The following MAGI2 variants were observed in gnomAD, a reference collection of about 807,000 sequenced individuals.
MAGI2 encodes the protein membrane associated guanylate kinase, WW and PDZ domain containing 2, also known as membrane-associated guanylate kinase, WW and PDZ domain-containing protein 2.
MAGI2 carries 35 observed loss-of-function variants against 133.3 expected under a neutral mutation model. The observed-to-expected ratio is 0.26, with a 90% CI of 0.20 to 0.35. The LOEUF (loss-of-function observed/expected upper bound fraction) is 0.35. MAGI2 is among the 10% of genes least tolerant of loss of function. MAGI2 has a pLI of 1.00. For missense variants in MAGI2, 1,636 were observed against 1,863.4 expected, an observed-to-expected ratio of 0.88 and a Z score of 2.25; for synonymous variants, 729 against 710.6, an observed-to-expected ratio of 1.03 and a Z score of -0.41.
In MAGI2 at chr7:78,229,586, C is replaced by T. The variant is rs114308989; in HGVS notation, c.2047+26357G>A. ...TGTGCTAGGTCAGGAGGAGACAGCC[C>T]GTGGTCCTGCAAGGACACTGAGCCT... On this transcript the variant is annotated intron_variant, in intron 10 of 21. Transcript: ENST00000354212. 7.4e-3 allele frequency among the ~76,000 whole-genome samples: 1,120 copies of T among 152,304 alleles called. 19 individuals carry two copies. The highest frequency in any genetic ancestry group is 0.024 in the African/African-American group (980 of 41,556).
chr7:79,138,922 G>C (rs1821858146), intron 1 of MAGI2, among the ~76,000 whole-genome samples: 1 of 140,352 alleles, frequency 7.1e-6, no homozygotes, highest in South Asian at 2.2e-4. Context: ...CTTGCAGTGA[G>C]CCAAGATCAC....
chr7:78,287,757 T>C (rs1316581778), intron 9 of MAGI2, among the ~76,000 whole-genome samples: 1 of 152,192 alleles, frequency 6.6e-6, no homozygotes, highest in African/African-American at 2.4e-5. Context: ...TTTAGTTTCA[T>C]AGCAATCATT....
intron 1 of MAGI2, among the ~76,000 whole-genome samples, chr7:79,360,926 AG>A (rs1395011091): frequency 6.6e-6 from 1 of 152,148 alleles, no homozygotes; most frequent in East Asian, 1.9e-4. Flanking sequence ...GAGGATTGGT[AG>A]TGTGGATAAA....
At chr7:78,209,411 A>ACCCG (rs1563265537) in intron 10 of MAGI2, among the ~76,000 whole-genome samples, 1 of 149,626 alleles carries the variant, frequency 6.7e-6, no homozygotes. Flanking sequence ...ACAGGCGTGC[A>ACCCG]CCATCACGCC....
chr7:78,094,852 TCTCTCCCA>T (rs1245997766), intron 20 of MAGI2, among the ~76,000 whole-genome samples: 2 of 152,180 alleles, frequency 1.3e-5, no homozygotes, highest in African/African-American at 4.8e-5. Context: ...TCAATTAAAA[TCTCTCCCA>T]CTCTCATTGC....
intron 1 of MAGI2, among the ~76,000 whole-genome samples, chr7:79,205,342 C>T (rs935363220): frequency 1.3e-4 from 20 of 151,844 alleles, no homozygotes; most frequent in African/African-American, 2.9e-4. Flanking sequence ...AATTACTGAA[C>T]ATCAAATTGC....
At chr7:78,105,951 A>C (rs1583924071) in intron 20 of MAGI2, among the ~76,000 whole-genome samples, 1 of 152,088 alleles carries the variant, frequency 6.6e-6, no homozygotes, top group South Asian at 2.1e-4. Context: ...CTAGATCTTC[A>C]TCATTCTATC....
At chr7:79,085,466 T>G (rs1337244221) in intron 1 of MAGI2, among the ~76,000 whole-genome samples, 2 of 151,964 alleles carry the variant, frequency 1.3e-5, no homozygotes, top group South Asian at 2.1e-4. Flanking sequence ...TGTTGTCTAG[T>G]AAGTCCAATA....
chr7:78,412,564 C>T (rs751066688), intron 6 of MAGI2, among the ~76,000 whole-genome samples: 3 of 151,918 alleles, frequency 2.0e-5, no homozygotes, highest in Admixed American at 6.6e-5. Context: ...CCAGCATTAG[C>T]GGGGTGTGAA....
At chr7:79,103,373 A>G (rs1482270735) in intron 1 of MAGI2, among the ~76,000 whole-genome samples, 1 of 152,130 alleles carries the variant, frequency 6.6e-6, no homozygotes, top group Non-Finnish European at 1.5e-5. Context: ...AGGGTAATCC[A>G]TACACTGGGC....
chr7:78,148,528 TTGGATGGAAA>T (rs1823543192), intron 16 of MAGI2, among the ~76,000 whole-genome samples: 1 of 152,068 alleles, frequency 6.6e-6, no homozygotes, highest in Non-Finnish European at 1.5e-5. Flanking sequence ...ATAAGAGGTT[TTGGATGGAAA>T]TAAATAGAGA....
intron 4 of MAGI2, among the ~76,000 whole-genome samples, chr7:78,517,894 C>T (rs1796170191): frequency 6.6e-6 from 1 of 151,796 alleles, no homozygotes; most frequent in Admixed American, 6.6e-5. Context: ...AGCAGAACTT[C>T]CTGGAGAACT....
At chr7:78,607,854 C>G (rs1327692246) in intron 3 of MAGI2, among the ~76,000 whole-genome samples, 1 of 152,158 alleles carries the variant, frequency 6.6e-6, no homozygotes, top group Non-Finnish European at 1.5e-5. Context: ...GCCTCTGGTA[C>G]TCTCCAAGTT....
intron 2 of MAGI2, among the ~76,000 whole-genome samples, chr7:78,847,573 A>G (rs1395519514): frequency 6.6e-6 from 1 of 152,050 alleles, no homozygotes; most frequent in African/African-American, 2.4e-5. Flanking sequence ...ACTGTTTACA[A>G]ATGATTCGAG....
intron 9 of MAGI2, among the ~76,000 whole-genome samples, chr7:78,272,547 G>C (rs981536048): frequency 2.0e-5 from 3 of 152,134 alleles, no homozygotes; most frequent in African/African-American, 7.2e-5. Flanking sequence ...GTGTGTTAAA[G>C]TCTCCCGTTA....
intron 6 of MAGI2, among the ~76,000 whole-genome samples, chr7:78,433,757 G>T (rs1800014419): frequency 6.6e-6 from 1 of 152,088 alleles, no homozygotes; most frequent in African/African-American, 2.4e-5. Context: ...TTATTTAAGG[G>T]GAGAGAAAAA....
chr7:79,023,943 T>G (rs1385005587), intron 1 of MAGI2, among the ~76,000 whole-genome samples: 3 of 152,142 alleles, frequency 2.0e-5, no homozygotes, highest in Non-Finnish European at 4.4e-5. Context: ...ACTATTGCTA[T>G]CAAATTACCA....
chr7:79,177,196 C>T (rs1295973538), intron 1 of MAGI2: 4 of 151,792 alleles, frequency 2.6e-5, no homozygotes, highest in African/African-American at 4.9e-5. Context: ...AATTAAGGAT[C>T]GTTTTTTCCT....
chr7:79,419,733 CA>C (rs1846804059), intron 1 of MAGI2, among the ~76,000 whole-genome samples: 3 of 151,948 alleles, frequency 2.0e-5, no homozygotes. Flanking sequence ...CCTTGTTAAA[CA>C]AAAATTTATC....
Sources: allele counts gnomAD v4.1 joint callset (sites outside exome capture counted in the v4.1 genomes callset), GRCh38; gene constraint gnomAD v4.1.1; transcripts MANE v1.5; gene names NCBI Gene and HGNC (gene_info 2026-07-23, HGNC 2026-07-21).